The following ABCB11 variants were observed in gnomAD, a reference collection of about 807,000 sequenced individuals.
ABCB11 encodes bile salt export pump.
Under a neutral mutation model 148.0 loss-of-function variants are expected in ABCB11, and 95 were observed. The ratio of observed to expected loss-of-function variants is 0.64; its 90% CI spans 0.54 to 0.76. The LOEUF (loss-of-function observed/expected upper bound fraction) is 0.76. ABCB11 is among the 30% of genes least tolerant of loss of function. The pLI is 0.00. For synonymous variants in ABCB11, 591 were observed against 555.4 expected, an observed-to-expected ratio of 1.06 and a Z score of -0.90; for missense variants, 1,523 against 1,617.8, an observed-to-expected ratio of 0.94 and a Z score of 1.01.
chr2:168,969,976 G>T, intron 15 of ABCB11, 69 bp downstream of exon 15: 1 of 1,143,620 alleles, frequency 8.7e-7, no homozygotes, highest in Non-Finnish European at 1.3e-6. Flanking sequence ...CCCACAAGGA[G>T]CTGCCTTTCC....
In ABCB11 at chr2:168,976,662, T is replaced by G; in HGVS notation, c.1223A>C (p.Glu408Ala). Residue 408 changes from glutamate to alanine, a missense_variant, in exon 12 of 28, where the codon GAA becomes GCA. Transcript: ENST00000650372. Reference protein sequence around the residue: ...DRKPIIDCMSEDGYKLDRIKG... With the variant: ...DRKPIIDCMSADGYKLDRIKG... ...GATTCGATCCAACTTGTAACCATCT[T>G]CTGACATGCAGTCAATGATGGGTTT... The G allele has an allele frequency of 1.9e-6, 3 of 1,611,446 alleles. No individual in the cohort carries two copies. The highest frequency in any genetic ancestry group is 2.5e-6 in the Non-Finnish European group (3 of 1,178,026).
Position 168,944,759 on chromosome 2 carries a change from G to T in ABCB11, c.2456C>A (p.Ala819Asp). 1.2e-6 allele frequency: 2 copies of T among 1,612,458 alleles called. No homozygotes were observed. The highest frequency in any genetic ancestry group is 1.7e-6 in the Non-Finnish European group (2 of 1,179,030). ...TAGGAGCTCCCCAGATTTAGCAAAGGCATATCCCTAAAACATGAAGAGGGA... is the reference window on the plus strand; with the variant it reads ...TAGGAGCTCCCCAGATTTAGCAAAGTCATATCCCTAAAACATGAAGAGGGA... The part of the protein sequence containing the change: ...SLFTQFLQGY[A>D]FAKSGELLTK... The change falls in exon 21 of 28, where the codon GCC becomes GAC. Residue 819 changes from alanine (A) to aspartate (D), a missense_variant. Coordinates refer to ENST00000650372, the MANE Select transcript of ABCB11 (RefSeq NM_003742.4).
At chr2:168,916,493 T>C (rs1380944499), downstream of ABCB11, among the ~76,000 whole-genome samples, 2 of 152,208 alleles carry the variant, frequency 1.3e-5, no homozygotes, top group African/African-American at 2.4e-5. Context: ...CAGGATACCA[T>C]ACAACTCGCT....
At chr2:168,980,702 T>A (rs1694105406) in intron 10 of ABCB11, among the ~76,000 whole-genome samples, 1 of 152,160 alleles carries the variant, frequency 6.6e-6, no homozygotes. Context: ...GACTCACCTG[T>A]TGCTGGCTAT....
At chr2:168,964,634 C>T (rs1693220412) in intron 17 of ABCB11, among the ~76,000 whole-genome samples, 1 of 151,762 alleles carries the variant, frequency 6.6e-6, no homozygotes. Flanking sequence ...TTTCCAAACC[C>T]ACATGGTTCT....
intron 7 of ABCB11, among the ~76,000 whole-genome samples, chr2:168,995,125 A>C (rs990195449): frequency 1.3e-5 from 2 of 152,012 alleles, no homozygotes; most frequent in African/African-American, 2.4e-5. Flanking sequence ...CTAATATTTT[A>C]ATTAAGGTCT....
At chr2:168,964,403 A>C in intron 17 of ABCB11, 95 bp from the exon 18 acceptor site, 1 of 1,023,840 alleles carries the variant, frequency 9.8e-7, no homozygotes, top group Non-Finnish European at 1.4e-6. Context: ...TGTCAAATAA[A>C]TAGAAATGTT....
chr2:168,968,474 G>A lies in ABCB11; in HGVS notation c.2028C>T (p.Asp676=), dbSNP rs770462504. Residue 676 remains aspartate, a synonymous_variant, in exon 17 of 28, where the codon GAC becomes GAT. Transcript: ENST00000650372. ...EEDIKDATED[D]MLARTFSRGS... Reference sequence around the variant, plus strand: ...CTCTGCTAAAGGTCCTCGCAAGCATGTCATCTTCAGTTGCATCTACTCAAC... The same window carrying A: ...CTCTGCTAAAGGTCCTCGCAAGCATATCATCTTCAGTTGCATCTACTCAAC... 3.7e-6 allele frequency: 6 copies of A among 1,610,798 alleles called. No homozygotes were observed. In the African/African-American group the frequency reaches 8.0e-5, roughly 22 times the overall value.
intron 13 of ABCB11, among the ~76,000 whole-genome samples, chr2:168,973,046 T>G (rs746571876): frequency 1.3e-5 from 2 of 152,084 alleles, no homozygotes; most frequent in Non-Finnish European, 2.9e-5. Flanking sequence ...CTTAGTTTCT[T>G]AGGACTGCTC....
chr2:168,944,667 G>C lies in ABCB11; in HGVS notation c.2548C>G (p.Leu850Val). 2.5e-6 allele frequency: 4 copies of C among 1,612,696 alleles called. No individual in the cohort carries two copies. Among genetic ancestry groups the C allele is most frequent in the Non-Finnish European group, 3.4e-6 (4 of 1,179,154 alleles). ...GTCAATGCTCCAGGGCTATTTCTGAGGTCATCAAACCAGGCAATATCTTGC... is the reference window on the plus strand; with the variant it reads ...GTCAATGCTCCAGGGCTATTTCTGACGTCATCAAACCAGGCAATATCTTGC... ...LGQDIAWFDD[L>V]RNSPGALTTR... Residue 850 changes from leucine to valine, a missense_variant, in exon 21 of 28, where the codon CTC (leucine) becomes GTC (valine). Coordinates refer to ENST00000650372, the MANE Select transcript of ABCB11 (RefSeq NM_003742.4).
chr2:168,946,013 A>G (rs927555013), intron 19 of ABCB11, among the ~76,000 whole-genome samples: 1 of 151,902 alleles, frequency 6.6e-6, no homozygotes, highest in African/African-American at 2.4e-5. Flanking sequence ...ACTACACTCA[A>G]ACGTATTCTG....
At chr2:169,001,279 G>A (rs532365235) in intron 5 of ABCB11, among the ~76,000 whole-genome samples, 5 of 152,086 alleles carry the variant, frequency 3.3e-5, no homozygotes, top group African/African-American at 9.7e-5. Context: ...TTGTTACTAC[G>A]CACTCCCTTC....
At chr2:168,965,588 G>A (rs1479902124) in intron 17 of ABCB11, among the ~76,000 whole-genome samples, 1 of 151,746 alleles carries the variant, frequency 6.6e-6, no homozygotes, top group Non-Finnish European at 1.5e-5. Context: ...TCCAAGTTGG[G>A]TTAGGTTTTC....
At chr2:169,009,228 G>T (rs1695107794) in intron 5 of ABCB11, among the ~76,000 whole-genome samples, 1 of 152,054 alleles carries the variant, frequency 6.6e-6, no homozygotes, top group Non-Finnish European at 1.5e-5. Flanking sequence ...CCATTACTGG[G>T]TATATACCCA....
chr2:168,933,945 G>A (rs576934885), intron 23 of ABCB11, among the ~76,000 whole-genome samples: 19 of 151,980 alleles, frequency 1.3e-4, no homozygotes, highest in Non-Finnish European at 2.8e-4. Context: ...TAGAGATGAG[G>A]TTTCGCCATG....
chr2:168,958,286 C>T (rs960097516), intron 18 of ABCB11, among the ~76,000 whole-genome samples, 158 bp from the exon 19 acceptor site: 8 of 151,634 alleles, frequency 5.3e-5, no homozygotes, highest in Non-Finnish European at 7.4e-5. Flanking sequence ...TTTGAGGAAT[C>T]GTTTTGAACA....
At chr2:169,015,836 C>G (rs1695340214) in intron 3 of ABCB11, among the ~76,000 whole-genome samples, 1 of 152,138 alleles carries the variant, frequency 6.6e-6, no homozygotes, top group Non-Finnish European at 1.5e-5. Context: ...ACATTTTTGC[C>G]TATTTTGTTC....
At chr2:168,948,588 C>A (rs140413824) in intron 19 of ABCB11, among the ~76,000 whole-genome samples, 1 of 151,570 alleles carries the variant, frequency 6.6e-6, no homozygotes, top group Non-Finnish European at 1.5e-5. Context: ...CAGTCCACAG[C>A]ACCATGTCTG....
At chr2:169,009,693 C>A (rs544108834) in intron 5 of ABCB11, among the ~76,000 whole-genome samples, 10 of 151,466 alleles carry the variant, frequency 6.6e-5, no homozygotes, top group African/African-American at 2.4e-4. Context: ...CAAACCTGCA[C>A]ATTGTGCACA....
Sources: allele counts gnomAD v4.1 joint callset (sites outside exome capture counted in the v4.1 genomes callset), GRCh38; gene constraint gnomAD v4.1.1; transcripts MANE v1.5; gene names NCBI Gene and HGNC (gene_info 2026-07-23, HGNC 2026-07-21).